Variants in MYO1C observed in about 807,000 individuals in gnomAD.
The protein encoded by MYO1C is myosin IC, also known as unconventional myosin-Ic.
Under a neutral mutation model 150.8 loss-of-function variants are expected in MYO1C, and 104 were observed. That is an observed-to-expected ratio of 0.69 (90% CI 0.59 to 0.81). MYO1C has a LOEUF of 0.81. Among genes scored for constraint, MYO1C ranks in the 30% least tolerant of loss-of-function variants. The probability of loss-of-function intolerance (pLI) is 0.00; values close to 1 mark genes in which losing one functional copy is unlikely to be tolerated. For missense variants in MYO1C, 1,504 were observed against 1,435.0 expected (o/e 1.05, Z -0.78); for synonymous variants, 663 against 579.9 (o/e 1.14, Z -2.06).
Position 1,465,554 on chromosome 17 carries a change from C to T in MYO1C, c.*172G>A, listed in dbSNP as rs573466740. ...GGCCTGGCCCACTCCTGGGGTAGCT[C>T]CTGGCCCCTGCTGCTCCCTCAAGAG... On this transcript the variant is annotated 3_prime_UTR_variant, in exon 32 of 32. Transcript: ENST00000648651. 10 of 698,118 alleles carry T rather than the reference C, an allele frequency of 1.4e-5. No homozygotes were observed. The South Asian group carries it at 5.2e-4, about 36-fold the overall frequency. 43.2% of individuals were successfully genotyped at this position (698,118 alleles called of 1,614,324 possible).
intron 4 of MYO1C, 23 bp from the exon 5 acceptor site, chr17:1,482,581 G>C (rs1035976809): frequency 6.2e-7 from 1 of 1,602,788 alleles, no homozygotes; most frequent in Non-Finnish European, 8.5e-7. Context: ...AGGGGTATGA[G>C]GGACACCTGG....
chr17:1,480,115 A>C (rs1347295347), intron 7 of MYO1C, among the ~76,000 whole-genome samples: 6 of 134,390 alleles, frequency 4.5e-5, no homozygotes, highest in Non-Finnish European at 7.7e-5. Context: ...ACTGCACTCC[A>C]GCCTGGGCGA....
Position 1,482,915 on chromosome 17 carries a change from G to T in MYO1C, c.492C>A (p.Pro164=), listed in dbSNP as rs774487926. Residue 164 remains proline (P), a synonymous_variant, in exon 4 of 32, where the codon CCC becomes CCA. Coordinates refer to ENST00000648651, the MANE Select transcript of MYO1C (RefSeq NM_001080779.2). The part of the protein sequence containing the change: ...LQFYAETCPA[P]ERGGAVRDRL... ...GGTCCCGCACGGCACCTCCGCGCTC[G>T]GGGGCTGGGCAGGTCTCTGCATAGA... is the stretch of plus-strand genomic sequence containing the variant. 1 of 1,583,518 alleles carries T rather than the reference G, an allele frequency of 6.3e-7. No homozygotes were observed. Among genetic ancestry groups the T allele is most frequent in the African/African-American group, 1.5e-5 (1 of 67,472 alleles).
At chr17:1,481,444 G>T (rs1567530223) in intron 5 of MYO1C, among the ~76,000 whole-genome samples, 1 of 152,070 alleles carries the variant, frequency 6.6e-6, no homozygotes, top group African/African-American at 2.4e-5. Context: ...GCTTAGCCTG[G>T]TTCCCCTCCC....
intron 17 of MYO1C, 45 bp downstream of exon 17, chr17:1,474,555 CCTCATGCACA>C (rs1313125396): frequency 6.4e-7 from 1 of 1,569,676 alleles, no homozygotes; most frequent in African/African-American, 1.4e-5. Flanking sequence ...TCACACAGGC[CCTCATGCACA>C]CTCAGGCGCA....
rs1330799815 is a variant in MYO1C at position 1,483,703 on chromosome 17, A to C, written c.254T>G (p.Val85Gly). 6.2e-7 allele frequency: 1 copy of C among 1,612,496 alleles called. No homozygotes were observed. The highest frequency in any genetic ancestry group is 1.3e-5 in the African/African-American group (1 of 74,890). The change falls in exon 3 of 32, where the codon GTC becomes GGC. Residue 85 changes from valine (V) to glycine (G), a missense_variant. Coordinates refer to ENST00000648651, the MANE Select transcript of MYO1C (RefSeq NM_001080779.2). ...CAGGTCCCGGTAGGGATTGACAGAG[A>C]CCAGGACGGGGCCAATGTAGGTCTG... ...LIYTYIGPVLVSVNPYRDLQI... is the reference protein window; with the variant it reads ...LIYTYIGPVLGSVNPYRDLQI...
At position 1,478,201 on chromosome 17, in the gene MYO1C, AAGG is replaced by A. The variant is rs566181068; in HGVS notation, c.1296-12_1296-10del. ...TGCAGAACTGCTCAAAGCTGTAAGGAAGGAGAAGAGCCCACAGTGGCTCAGTGG... is the reference window on the plus strand; with the variant it reads ...TGCAGAACTGCTCAAAGCTGTAAGGAAGAAGAGCCCACAGTGGCTCAGTGG... On this transcript the variant is annotated splice_polypyrimidine_tract_variant and intron_variant, in intron 11 of 31. Transcript: ENST00000648651. The surrounding 1 kb of genome is among the most constrained non-coding windows in gnomAD (Gnocchi z 6.3). 8.7e-4 allele frequency: 1,396 copies of A among 1,613,216 alleles called. 20 individuals are homozygous for A. The South Asian group carries it at 0.014, about 16-fold the overall frequency.
chr17:1,467,930 G>A lies in MYO1C; in HGVS notation c.2897-20C>T. On this transcript the variant is annotated intron_variant, in intron 28 of 31. Coordinates refer to ENST00000648651, the MANE Select transcript of MYO1C (RefSeq NM_001080779.2). ...AGATTCCTGAGGGGAGAGGGCAAAG[G>A]TCAGAGGTCGAGGGTCAGAGCAGGG... The A allele has an allele frequency of 6.2e-7, 1 of 1,612,678 alleles. No individual in the cohort carries two copies. The highest frequency in any genetic ancestry group is 8.5e-7 in the Non-Finnish European group (1 of 1,179,776).
intron 1 of MYO1C, chr17:1,485,359 G>GCCTGGGGCGTCACTCAGGGCCCGA (rs2074630238): frequency 9.2e-7 from 1 of 1,086,194 alleles, no homozygotes; most frequent in Non-Finnish European, 1.1e-6. Flanking sequence ...CAGATTTCTG[G>GCCTGGGGCGTCACTCAGGGCCCGA]CCGGGGGCCT....
chr17:1,474,309 T>G (rs1332053798), intron 17 of MYO1C, among the ~76,000 whole-genome samples: 1 of 151,264 alleles, frequency 6.6e-6, no homozygotes, highest in African/African-American at 2.4e-5. Context: ...GCGCCTGTAA[T>G]CCCAGCTACT....
At position 1,474,948 on chromosome 17, in the gene MYO1C, G is replaced by A; in HGVS notation, c.1659C>T (p.Tyr553=). The change falls in exon 15 of 32, where the codon TAC becomes TAT. Residue 553 remains tyrosine, a synonymous_variant. Transcript: ENST00000648651. ...RLLHYAGEVT[Y]SVTGFLDKNN... is the part of the protein sequence containing the mutation. ...CCCCAGGATCCTCACCGGTCACGCTGTAGGTCACCTCCCCCGCATAGTGCA... is the reference window on the plus strand; with the variant it reads ...CCCCAGGATCCTCACCGGTCACGCTATAGGTCACCTCCCCCGCATAGTGCA... 1 of 1,592,906 alleles carries A rather than the reference G, an allele frequency of 6.3e-7. No individual in the cohort carries two copies. The highest frequency in any genetic ancestry group is 8.6e-7 in the Non-Finnish European group (1 of 1,169,140).
chr17:1,492,283 T>C (rs2074743993), intron 1 of MYO1C, 130 bp downstream of exon 1: 2 of 892,122 alleles, frequency 2.2e-6, no homozygotes, highest in African/African-American at 1.7e-5. Flanking sequence ...GTTCAGTCTG[T>C]TCTGGCCCCG....
At chr17:1,483,849 A>G (rs534330687) in intron 2 of MYO1C, 124 bp from the exon 3 acceptor site, 21 of 774,402 alleles carry the variant, frequency 2.7e-5, no homozygotes, top group Admixed American at 4.6e-5. Context: ...TTCAAGACCA[A>G]CCTGACCAAC....
Position 1,477,839 on chromosome 17 carries a change from C to T in MYO1C, c.1482+52G>A, listed in dbSNP as rs1237067489. On this transcript the variant is annotated intron_variant, in intron 13 of 31. Coordinates refer to ENST00000648651, the MANE Select transcript of MYO1C (RefSeq NM_001080779.2). Reference sequence around the variant, plus strand: ...GCCTGGAGAGAACGGAGAAGGGGGACATCCTCCCACCCAGCCTCCAGCACC... The same window carrying T: ...GCCTGGAGAGAACGGAGAAGGGGGATATCCTCCCACCCAGCCTCCAGCACC... The T allele has an allele frequency of 1.8e-4, 275 of 1,512,550 alleles. 2 individuals carry two copies. The South Asian group carries it at 2.6e-3, about 14-fold the overall frequency. 93.7% of individuals were successfully genotyped at this position (1,512,550 alleles called of 1,614,324 possible).
intron 1 of MYO1C, chr17:1,485,121 C>T: frequency 4.9e-6 from 6 of 1,216,102 alleles, no homozygotes; most frequent in Non-Finnish European, 6.3e-6. Context: ...GGGGGCTTTA[C>T]CATGGAAAGC....
intron 31 of MYO1C, 85 bp downstream of exon 31, chr17:1,467,157 G>A (rs2074189942): frequency 1.6e-6 from 2 of 1,284,938 alleles, no homozygotes; most frequent in African/African-American, 2.9e-5. Context: ...GGCCCATGGT[G>A]AGGTGCCTGG....
At chr17:1,466,153 CTTTTTT>C (rs71148490) in intron 31 of MYO1C, among the ~76,000 whole-genome samples, 1 of 91,600 alleles carries the variant, frequency 1.1e-5, no homozygotes, top group East Asian at 2.8e-4. Flanking sequence ...GCCGTGCTGC[CTTTTTT>C]TTTTTTTTTT....
rs2074625724 is a variant in MYO1C at position 1,485,160 on chromosome 17, TGG to T, written c.76-859_76-858del. On this transcript the variant is annotated intron_variant, in intron 1 of 31. Transcript: ENST00000648651. ...GCTGCCTCTGGGTCCTACTGGAGGG[TGG>T]AGGGTGGTGCAGGCTGAGCAAGACC... is the stretch of plus-strand genomic sequence containing the variant. 79 of 1,196,752 alleles carry T rather than the reference TGG, an allele frequency of 6.6e-5. No individual in the cohort carries two copies. In the South Asian group the frequency reaches 1.1e-3, roughly 17 times the overall value. The allele number at this position is 1,196,752 out of a possible 1,614,324, so 74.1% of individuals were successfully genotyped here. A position where few individuals can be genotyped will look rare whatever the true frequency, so the allele number is the denominator to read the frequency against.
chr17:1,477,730 A>C (rs977472841), intron 13 of MYO1C, 134 bp from the exon 14 acceptor site: 4 of 993,060 alleles, frequency 4.0e-6, no homozygotes, highest in Non-Finnish European at 6.4e-6. Flanking sequence ...AGAGCTTCCA[A>C]CTGGGGCGGC....
Sources: allele counts gnomAD v4.1 joint callset (sites outside exome capture counted in the v4.1 genomes callset), GRCh38; gene constraint gnomAD v4.1.1; non-coding constraint Gnocchi (gnomAD v3.1); transcripts MANE v1.5; gene names NCBI Gene and HGNC (gene_info 2026-07-23, HGNC 2026-07-21).